Variants in CLIC4 observed in about 807,000 individuals in gnomAD.
CLIC4 encodes the protein chloride intracellular channel protein 4.
In CLIC4, 13 loss-of-function variants were observed where a neutral mutation model predicts 24.6. The observed-to-expected ratio is 0.53, with a 90% CI of 0.34 to 0.84. The LOEUF (loss-of-function observed/expected upper bound fraction) is 0.84, where lower values mean the gene tolerates loss of function less well. CLIC4 is among the 40% of genes least tolerant of loss of function. The pLI, the probability that CLIC4 is intolerant of heterozygous loss-of-function variation, is 0.01. For synonymous variants in CLIC4, 104 were observed against 111.3 expected (o/e 0.93, Z 0.41); for missense variants, 227 against 301.7 (o/e 0.75, Z 1.83).
rs564260366 is a variant in CLIC4 at position 24,751,358 on chromosome 1, C to T, written c.72+5733C>T. Among the ~76,000 whole-genome samples the T allele has an allele frequency of 1.8e-3, 267 of 151,994 alleles. 1 individual carries two copies. The highest frequency in any genetic ancestry group is 6.1e-3 in the African/African-American group (254 of 41,484). On this transcript the variant is annotated intron_variant, in intron 1 of 5. Transcript: ENST00000374379. Reference sequence around the variant, plus strand: ...CCGAGTAGCTGGGGTTACAGGCACCCGCCACCATGGCCAGCTAATTTTTTG... The same window carrying T: ...CCGAGTAGCTGGGGTTACAGGCACCTGCCACCATGGCCAGCTAATTTTTTG...
intron 3 of CLIC4, among the ~76,000 whole-genome samples, chr1:24,820,221 A>G (rs1639715515): frequency 7.5e-6 from 1 of 133,680 alleles, no homozygotes; most frequent in South Asian, 2.5e-4. Flanking sequence ...AATAAGTGGG[A>G]CCACAGGCAT....
chr1:24,808,905 C>T (rs1321541286), intron 2 of CLIC4, among the ~76,000 whole-genome samples: 5 of 151,912 alleles, frequency 3.3e-5, no homozygotes, highest in East Asian at 3.9e-4. Context: ...CTCAAACTCC[C>T]GACCTCAAGT....
chr1:24,815,124 A>C (rs907241618), intron 3 of CLIC4, among the ~76,000 whole-genome samples: 1 of 152,234 alleles, frequency 6.6e-6, no homozygotes, highest in Admixed American at 6.5e-5. Flanking sequence ...AGTTATATTT[A>C]CAGTAGTATA....
In CLIC4 at chr1:24,827,045, A is replaced by C. The variant is rs750008934; in HGVS notation, c.344A>C (p.Asn115Thr). Residue 115 changes from asparagine to threonine, a missense_variant, in exon 4 of 6, where the codon AAT (asparagine) becomes ACT (threonine). Asn to Thr is a moderately conservative substitution (Grantham distance 65). Transcript: ENST00000374379. ...LKLSPKHPES[N>T]TAGMDIFAKF... is the part of the protein sequence containing the mutation. The stretch of plus-strand genomic sequence containing the variant: ...CTTTCACCAAAACACCCAGAATCAA[A>C]TACTGCTGGAATGGACATCTTTGCC... 10 of 1,611,312 alleles carry C rather than the reference A, an allele frequency of 6.2e-6. No homozygotes were observed. The African/African-American group carries it at 1.3e-4, about 22-fold the overall frequency.
chr1:24,781,087 C>CAAAAAA (rs1228000908), intron 1 of CLIC4, among the ~76,000 whole-genome samples: 1 of 61,970 alleles, frequency 1.6e-5, no homozygotes, highest in Admixed American at 2.0e-4. Context: ...AACTCCATCT[C>CAAAAAA]AAAAAAAAAA....
At chr1:24,810,437 TC>T (rs1639600585) in intron 2 of CLIC4, among the ~76,000 whole-genome samples, 1 of 152,106 alleles carries the variant, frequency 6.6e-6, no homozygotes, top group Admixed American at 6.6e-5. Flanking sequence ...CCTCTCATTT[TC>T]CCCCTCCCTG....
At chr1:24,772,364 T>TTA (rs1352680067) in intron 1 of CLIC4, among the ~76,000 whole-genome samples, 3 of 152,228 alleles carry the variant, frequency 2.0e-5, no homozygotes, top group African/African-American at 7.2e-5. Context: ...TCCTGCTATG[T>TTA]TATACTCTTC....
In CLIC4 at chr1:24,843,916, G is replaced by C. The variant is rs1487049698; in HGVS notation, c.*2979G>C. On this transcript the variant is annotated 3_prime_UTR_variant, in exon 6 of 6. Transcript: ENST00000374379. The stretch of plus-strand genomic sequence containing the variant: ...AAATGTATTTTTTCATGAACATTTT[G>C]ATACAAATTTCATCATTTAATGATT... 6.6e-6 allele frequency: 1 copy of C among 152,498 alleles called. No individual in the cohort carries two copies. Among genetic ancestry groups the C allele is most frequent in the Non-Finnish European group, 1.5e-5 (1 of 67,992 alleles). The allele number at this position is 152,498 out of a possible 1,614,324, so 9.4% of individuals were successfully genotyped here. A position where few individuals can be genotyped will look rare whatever the true frequency, so the allele number is the denominator to read the frequency against.
At chr1:24,783,401 T>C (rs1395794876) in intron 1 of CLIC4, among the ~76,000 whole-genome samples, 1 of 152,060 alleles carries the variant, frequency 6.6e-6, no homozygotes, top group Non-Finnish European at 1.5e-5. Flanking sequence ...AGTAGTATAA[T>C]ACAGTAATAA....
At chr1:24,768,811 G>C (rs1003807832) in intron 1 of CLIC4, among the ~76,000 whole-genome samples, 5 of 149,176 alleles carry the variant, frequency 3.4e-5, no homozygotes, top group African/African-American at 9.9e-5. Context: ...TAAGGCAGAA[G>C]AATCACTTGA....
At chr1:24,827,497 CTA>C (rs1639798282) in intron 4 of CLIC4, among the ~76,000 whole-genome samples, 1 of 147,880 alleles carries the variant, frequency 6.8e-6, no homozygotes. Context: ...TAAACTGTAA[CTA>C]AATGTTTATT....
chr1:24,805,265 G>A (rs1639538520), intron 2 of CLIC4, among the ~76,000 whole-genome samples: 1 of 151,960 alleles, frequency 6.6e-6, no homozygotes, highest in Non-Finnish European at 1.5e-5. Flanking sequence ...TCTTTAACTG[G>A]TTGAACTGGG....
At chr1:24,824,923 C>A (rs1639771554) in intron 3 of CLIC4, among the ~76,000 whole-genome samples, 2 of 151,366 alleles carry the variant, frequency 1.3e-5, no homozygotes, top group South Asian at 4.2e-4. Flanking sequence ...ATCGCTTGAG[C>A]CCAGGAGGTT....
chr1:24,836,604 G>A (rs2124176261), intron 4 of CLIC4, among the ~76,000 whole-genome samples: 1 of 152,330 alleles, frequency 6.6e-6, no homozygotes, highest in South Asian at 2.1e-4. Flanking sequence ...TAGGGAGGCT[G>A]AGGTGGGCAG....
intron 3 of CLIC4, among the ~76,000 whole-genome samples, chr1:24,826,100 A>G (rs1010063019): frequency 2.0e-5 from 3 of 152,362 alleles, no homozygotes; most frequent in Non-Finnish European, 4.4e-5. Flanking sequence ...TACACAGAGT[A>G]TGTGTGTTTT....
chr1:24,793,159 T>C (rs1349475044), intron 1 of CLIC4: 4 of 460 alleles, frequency 8.7e-3, no homozygotes, highest in African/African-American at 0.015. Flanking sequence ...ATTACTGTTG[T>C]TTTTTTTTTT....
At chr1:24,839,286 G>C (rs990247780) in intron 4 of CLIC4, among the ~76,000 whole-genome samples, 1 of 152,096 alleles carries the variant, frequency 6.6e-6, no homozygotes, top group African/African-American at 2.4e-5. Flanking sequence ...GTGTTCATGT[G>C]TGGGACATTT....
intron 1 of CLIC4, 27 bp downstream of exon 1, chr1:24,745,652 C>T (rs1200917325): frequency 3.9e-6 from 6 of 1,521,232 alleles, no homozygotes; most frequent in African/African-American, 2.9e-5. Flanking sequence ...CGGTCCCGCC[C>T]GGCAGATCCC....
chr1:24,763,927 T>C (rs1231713018), intron 1 of CLIC4, among the ~76,000 whole-genome samples: 1 of 152,234 alleles, frequency 6.6e-6, no homozygotes, highest in Non-Finnish European at 1.5e-5. Context: ...CCTTGTCTTA[T>C]TCATCTTTGC....
Sources: gnomAD v4.1 joint callset for allele counts (sites outside exome capture counted in the v4.1 genomes callset) on GRCh38, gnomAD v4.1.1 for gene constraint, MANE v1.5 for transcripts, NCBI Gene and HGNC (gene_info 2026-07-23, HGNC 2026-07-21) for gene names.